Variants in MICU3 observed in about 807,000 individuals in gnomAD.
MICU3 encodes the protein calcium uptake protein 3, mitochondrial.
MICU3 carries 62 observed loss-of-function variants against 66.5 expected under a neutral mutation model. The observed-to-expected ratio is 0.93, with a 90% CI of 0.76 to 1.15. MICU3 has a LOEUF of 1.15. Ranked by LOEUF, MICU3 falls within the 50% of genes most tolerant of loss-of-function variation. MICU3 has a pLI of 0.00. For synonymous variants in MICU3, 308 were observed against 240.7 expected (o/e 1.28, Z -2.59); for missense variants, 779 against 664.4 (o/e 1.17, Z -1.90).
the MICU3 span, among the ~76,000 whole-genome samples, chr8:17,138,301 G>A: frequency 6.6e-6 from 1 of 152,050 alleles, no homozygotes. Flanking sequence ...ATAATAGCAA[G>A]ATGTTATAAT....
chr8:17,057,077 G>A (rs1197196527), intron 1 of MICU3, among the ~76,000 whole-genome samples: 2 of 152,220 alleles, frequency 1.3e-5, no homozygotes, highest in African/African-American at 2.4e-5. Flanking sequence ...ATTTTATGAA[G>A]TTCTGTCAGT....
intron 1 of MICU3, among the ~76,000 whole-genome samples, chr8:17,028,725 T>C (rs1811475134): frequency 6.6e-6 from 1 of 152,110 alleles, no homozygotes; most frequent in Admixed American, 6.6e-5. Flanking sequence ...CACAAGCACA[T>C]AACATAAAGT....
At chr8:17,108,689 T>A (rs961660217) in intron 11 of MICU3, among the ~76,000 whole-genome samples, 7 of 152,100 alleles carry the variant, frequency 4.6e-5, no homozygotes, top group Non-Finnish European at 1.0e-4. Context: ...TGTTGGAATT[T>A]CCCCCCAGAT....
intron 1 of MICU3, among the ~76,000 whole-genome samples, chr8:17,042,730 C>G (rs6587011): frequency 0.43 from 64,769 of 151,472 alleles, 18,052 homozygotes; most frequent in African/African-American, 0.79. Flanking sequence ...TCTTCTAACC[C>G]TTCTAAAACT....
chr8:17,085,138 C>G, intron 5 of MICU3, 98 bp from the exon 6 acceptor site: 4 of 710,550 alleles, frequency 5.6e-6, no homozygotes, highest in Non-Finnish European at 9.7e-6. Flanking sequence ...CTATCTTTAA[C>G]CAATACAGAA....
At chr8:17,031,517 G>C (rs1812066855) in intron 1 of MICU3, among the ~76,000 whole-genome samples, 1 of 151,712 alleles carries the variant, frequency 6.6e-6, no homozygotes. Context: ...TCAAACTCCT[G>C]ACCTCAAGTT....
chr8:17,125,583 G>A (rs1054285549), downstream of MICU3, among the ~76,000 whole-genome samples: 8 of 152,108 alleles, frequency 5.3e-5, no homozygotes, highest in East Asian at 1.3e-3. Flanking sequence ...AGTATGTATA[G>A]GTCTTTTCTC....
intron 11 of MICU3, among the ~76,000 whole-genome samples, chr8:17,111,498 T>C (rs1802204404): frequency 6.6e-6 from 1 of 152,126 alleles, no homozygotes; most frequent in Non-Finnish European, 1.5e-5. Flanking sequence ...ATTTTGATAG[T>C]GTTCTTTAAT....
At position 17,082,748 on chromosome 8, in the gene MICU3, A is replaced by G. The variant is rs551638592; in HGVS notation, c.694+1008A>G. On this transcript the variant is annotated intron_variant, in intron 5 of 14. Coordinates refer to ENST00000318063, the MANE Select transcript of MICU3 (RefSeq NM_181723.3). ...CAGTAAAACTCTGTCATTAGAAACA[A>G]TCTAAAAATACCTTGTACTTCTTTG... Among the ~76,000 whole-genome samples the G allele has an allele frequency of 3.1e-3, 471 of 152,264 alleles. 4 individuals are homozygous for G. The highest frequency in any genetic ancestry group is 0.01 in the African/African-American group (434 of 41,578).
the MICU3 span, chr8:17,132,140 G>A: frequency 6.6e-6 from 1 of 152,146 alleles, no homozygotes; most frequent in Non-Finnish European, 1.5e-5. Flanking sequence ...GACTAATTGT[G>A]AATTTAACCT....
chr8:17,051,845 A>G (rs372239674), intron 1 of MICU3, among the ~76,000 whole-genome samples: 2 of 152,132 alleles, frequency 1.3e-5, no homozygotes, highest in Non-Finnish European at 2.9e-5. Flanking sequence ...CCTTGCTGTA[A>G]AGGGAAGGAG....
chr8:17,054,571 TA>T (rs1207557782), intron 1 of MICU3, among the ~76,000 whole-genome samples: 1 of 152,128 alleles, frequency 6.6e-6, no homozygotes, highest in Non-Finnish European at 1.5e-5. Flanking sequence ...TCAGTTTTTG[TA>T]AACTAAACTG....
At chr8:17,041,699 G>A (rs1292230155) in intron 1 of MICU3, among the ~76,000 whole-genome samples, 1 of 152,156 alleles carries the variant, frequency 6.6e-6, no homozygotes, top group African/African-American at 2.4e-5. Context: ...AAGGACCCAG[G>A]TGGGAGTAGG....
At chr8:17,062,597 G>C (rs916570341) in intron 1 of MICU3, among the ~76,000 whole-genome samples, 4 of 151,968 alleles carry the variant, frequency 2.6e-5, no homozygotes, top group Admixed American at 1.3e-4. Flanking sequence ...TTTTTGTTAT[G>C]GCTTCTCAAG....
At chr8:17,128,034 A>C in the MICU3 span, among the ~76,000 whole-genome samples, 1 of 152,156 alleles carries the variant, frequency 6.6e-6, no homozygotes, top group Non-Finnish European at 1.5e-5. Context: ...CAGAGTTCAC[A>C]GATGGTTGGA....
chr8:17,105,336 CAGTG>C (rs1801649283), intron 10 of MICU3, 73 bp from the exon 11 acceptor site: 1 of 779,782 alleles, frequency 1.3e-6, no homozygotes, highest in Admixed American at 3.1e-5. Context: ...TTTTCTAGGA[CAGTG>C]AGTATTTGCT....
chr8:17,030,512 C>T (rs1034856342), intron 1 of MICU3, among the ~76,000 whole-genome samples: 4 of 151,860 alleles, frequency 2.6e-5, no homozygotes, highest in African/African-American at 9.7e-5. Flanking sequence ...ATATGTAACA[C>T]CACTTATGTT....
chr8:17,047,263 T>C (rs1815249051), intron 1 of MICU3, among the ~76,000 whole-genome samples: 1 of 152,212 alleles, frequency 6.6e-6, no homozygotes, highest in South Asian at 2.1e-4. Context: ...ATATAAGAAC[T>C]GTAGCAGCAG....
intron 14 of MICU3, among the ~76,000 whole-genome samples, chr8:17,119,678 G>A (rs1033878335): frequency 1.3e-5 from 2 of 151,962 alleles, no homozygotes; most frequent in Non-Finnish European, 2.9e-5. Context: ...GGTTAAATAA[G>A]TTTCTTCCCC....
Sources: allele counts gnomAD v4.1 joint callset (sites outside exome capture counted in the v4.1 genomes callset), GRCh38; gene constraint gnomAD v4.1.1; transcripts MANE v1.5; gene names NCBI Gene and HGNC (gene_info 2026-07-23, HGNC 2026-07-21).